Variants in USP12 observed in about 807,000 individuals in gnomAD.
USP12 encodes the protein ubiquitin specific peptidase 12, also known as ubiquitin carboxyl-terminal hydrolase 12.
In USP12, 19 loss-of-function variants were observed where a neutral mutation model predicts 45.5. The ratio of observed to expected loss-of-function variants is 0.42; its 90% CI spans 0.29 to 0.61. The LOEUF is 0.61. Ranked by LOEUF, USP12 falls within the 20% of genes least tolerant of loss-of-function variation. The pLI is 0.22. For missense variants in USP12, 242 were observed against 447.7 expected, an observed-to-expected ratio of 0.54 and a Z score of 4.15; for synonymous variants, 149 against 148.8, an observed-to-expected ratio of 1.00 and a Z score of -0.01.
chr13:27,162,899 G>C (rs1878173472), intron 1 of USP12: 1 of 152,092 alleles, frequency 6.6e-6, no homozygotes, highest in Non-Finnish European at 1.5e-5. Flanking sequence ...TGCTACGGAA[G>C]CAAGAAAATT....
intron 1 of USP12, among the ~76,000 whole-genome samples, chr13:27,133,070 A>AT (rs1170087223): frequency 6.6e-6 from 1 of 152,196 alleles, no homozygotes; most frequent in African/African-American, 2.4e-5. Context: ...CTTATTAATT[A>AT]TTCTCTCTCC....
chr13:27,154,450 A>T (rs75752081), intron 1 of USP12, among the ~76,000 whole-genome samples: 1,731 of 152,326 alleles, frequency 0.011, 25 homozygotes, highest in African/African-American at 0.04. Context: ...TAGTGTGCTA[A>T]CAGTACCTGA....
intron 3 of USP12, among the ~76,000 whole-genome samples, chr13:27,096,809 T>G (rs142157988): frequency 8.0e-4 from 122 of 152,312 alleles, no homozygotes; most frequent in African/African-American, 2.8e-3. Flanking sequence ...GGACATTTTA[T>G]TTTTAGATCC....
chr13:27,136,763 G>A (rs1366735208), intron 1 of USP12, among the ~76,000 whole-genome samples: 1 of 151,870 alleles, frequency 6.6e-6, no homozygotes, highest in African/African-American at 2.4e-5. Context: ...GGAGCATTCA[G>A]TATAAAAAAA....
chr13:27,104,750 G>C (rs1248177985), intron 3 of USP12, among the ~76,000 whole-genome samples: 2 of 152,110 alleles, frequency 1.3e-5, no homozygotes, highest in Non-Finnish European at 2.9e-5. Context: ...AATTCACTGT[G>C]TACAGTGTCA....
chr13:27,085,859 G>A (rs1873985389), intron 6 of USP12, among the ~76,000 whole-genome samples: 1 of 151,950 alleles, frequency 6.6e-6, no homozygotes, highest in East Asian at 1.9e-4. Flanking sequence ...ACTATGGTAT[G>A]TTCATACAAA....
chr13:27,089,621 C>A, intron 6 of USP12: 1 of 309,908 alleles, frequency 3.2e-6, no homozygotes, highest in South Asian at 6.8e-5. Flanking sequence ...AGCCTCAAAG[C>A]CAAATATTTT....
At chr13:27,100,562 T>C (rs1338033100) in intron 3 of USP12, among the ~76,000 whole-genome samples, 1 of 152,196 alleles carries the variant, frequency 6.6e-6, no homozygotes, top group Non-Finnish European at 1.5e-5. Context: ...CTTTGCCTCC[T>C]GCACCAACCT....
chr13:27,079,663 T>A (rs533189276), intron 6 of USP12, among the ~76,000 whole-genome samples: 2 of 152,358 alleles, frequency 1.3e-5, no homozygotes, highest in Non-Finnish European at 2.9e-5. Flanking sequence ...AAACGTTTTT[T>A]AAAGTAAATT....
At chr13:27,171,049 T>C (rs1878576042) in intron 1 of USP12, among the ~76,000 whole-genome samples, 2 of 151,872 alleles carry the variant, frequency 1.3e-5, no homozygotes, top group Non-Finnish European at 2.9e-5. Context: ...GAATGAGCGC[T>C]GCCCGCCCCG....
chr13:27,144,748 T>G (rs1379080287), intron 1 of USP12, among the ~76,000 whole-genome samples: 1 of 67,688 alleles, frequency 1.5e-5, no homozygotes, highest in Non-Finnish European at 3.8e-5. Context: ...TTTTTTGTTG[T>G]TTTTTTTTTT....
chr13:27,124,786 T>C (rs1876150190), intron 1 of USP12, among the ~76,000 whole-genome samples: 1 of 152,208 alleles, frequency 6.6e-6, no homozygotes, highest in African/African-American at 2.4e-5. Context: ...AACAAGTTCA[T>C]CTCATAAATG....
At chr13:27,123,497 T>C (rs1337547513) in intron 1 of USP12, among the ~76,000 whole-genome samples, 3 of 152,358 alleles carry the variant, frequency 2.0e-5, no homozygotes, top group African/African-American at 7.2e-5. Flanking sequence ...TAGGCTGATA[T>C]AGTTTGGCTG....
At chr13:27,169,024 A>G (rs1034433077) in intron 1 of USP12, 1 of 152,178 alleles carries the variant, frequency 6.6e-6, no homozygotes, top group Non-Finnish European at 1.5e-5. Context: ...TCCCTGCTTC[A>G]CCCGGCATAC....
At chr13:27,167,833 G>A (rs1878416409) in intron 1 of USP12, among the ~76,000 whole-genome samples, 1 of 152,010 alleles carries the variant, frequency 6.6e-6, no homozygotes, top group African/African-American at 2.4e-5. Context: ...TCTGAGGTTT[G>A]CCCCAGCTTT....
At chr13:27,167,402 A>G (rs1878396938) in intron 1 of USP12, among the ~76,000 whole-genome samples, 1 of 152,202 alleles carries the variant, frequency 6.6e-6, no homozygotes, top group African/African-American at 2.4e-5. Context: ...AATGTATTTT[A>G]GACAAATTCA....
chr13:27,142,471 T>C (rs1877108471), intron 1 of USP12, among the ~76,000 whole-genome samples: 2 of 152,222 alleles, frequency 1.3e-5, no homozygotes, highest in South Asian at 4.1e-4. Flanking sequence ...TTTTAAATTA[T>C]ACCATCTTTA....
intron 6 of USP12, among the ~76,000 whole-genome samples, chr13:27,080,475 T>C (rs940173748): frequency 7.2e-5 from 11 of 152,196 alleles, no homozygotes; most frequent in Admixed American, 5.2e-4. Context: ...GACAATGTGA[T>C]GCTGAGTCAC....
intron 2 of USP12, among the ~76,000 whole-genome samples, chr13:27,116,136 C>A (rs1327003536): frequency 2.6e-5 from 4 of 151,884 alleles, no homozygotes; most frequent in Non-Finnish European, 1.5e-5. Context: ...CACGGTGAAA[C>A]CCTGTCTCTA....
Sources: gnomAD v4.1 joint callset for allele counts (sites outside exome capture counted in the v4.1 genomes callset) on GRCh38, gnomAD v4.1.1 for gene constraint, MANE v1.5 for transcripts, NCBI Gene and HGNC (gene_info 2026-07-23, HGNC 2026-07-21) for gene names.